Variants in KIF9 observed in about 807,000 individuals in gnomAD.
KIF9 encodes the protein kinesin-like protein KIF9.
KIF9 carries 68 observed loss-of-function variants against 94.8 expected under a neutral mutation model. The observed-to-expected ratio is 0.72, with a 90% CI of 0.59 to 0.88. KIF9 has a LOEUF of 0.88. KIF9 is among the 40% of genes least tolerant of loss of function. The pLI is 0.00. For missense variants in KIF9, 882 were observed against 982.5 expected, an observed-to-expected ratio of 0.90 and a Z score of 1.37; for synonymous variants, 343 against 362.1, an observed-to-expected ratio of 0.95 and a Z score of 0.60.
chr3:47,267,388 C>G, intron 5 of KIF9, 125 bp from the exon 6 acceptor site: 1 of 721,524 alleles, frequency 1.4e-6, no homozygotes, highest in East Asian at 2.5e-5. Flanking sequence ...GCTGGGCCTT[C>G]CAGGCAAACC....
intron 10 of KIF9, chr3:47,250,697 C>A: frequency 3.9e-6 from 1 of 256,726 alleles, no homozygotes; most frequent in Non-Finnish European, 8.6e-6. Flanking sequence ...TGAGTGTCTT[C>A]CCTAAAAGAG....
chr3:47,267,155 G>A (rs1701340678), intron 6 of KIF9, 25 bp downstream of exon 6: 1 of 1,605,590 alleles, frequency 6.2e-7, no homozygotes, highest in Admixed American at 1.7e-5. Flanking sequence ...GCCCCGCCTG[G>A]GCTGATCAAA....
At chr3:47,262,106 G>C (rs1374476315) in intron 9 of KIF9, among the ~76,000 whole-genome samples, 2 of 152,112 alleles carry the variant, frequency 1.3e-5, no homozygotes, top group Admixed American at 6.6e-5. Context: ...CAAGCCCCCG[G>C]AGACTGCGGG....
At chr3:47,253,451 G>A (rs941422077) in intron 10 of KIF9, among the ~76,000 whole-genome samples, 2 of 144,528 alleles carry the variant, frequency 1.4e-5, no homozygotes, top group African/African-American at 2.5e-5. Flanking sequence ...CCACGCACCC[G>A]GCCCAGTGAT....
chr3:47,268,209 C>A (rs142286874), intron 5 of KIF9, among the ~76,000 whole-genome samples: 35 of 152,210 alleles, frequency 2.3e-4, no homozygotes, highest in African/African-American at 7.7e-4. Context: ...AGGCCCTTAC[C>A]TCTAATTTAC....
intron 17 of KIF9, chr3:47,239,613 A>G (rs1229468713): frequency 9.5e-7 from 1 of 1,049,850 alleles, no homozygotes; most frequent in Non-Finnish European, 1.2e-6. Context: ...TTTCCAAGAC[A>G]GTCTTCATCT....
At chr3:47,237,692 G>C (rs1413912663) in intron 17 of KIF9, among the ~76,000 whole-genome samples, 1 of 152,364 alleles carries the variant, frequency 6.6e-6, no homozygotes, top group East Asian at 1.9e-4. Context: ...TGGGGTGCAT[G>C]AGGCAGCCCC....
chr3:47,251,486 C>T (rs1174861249), intron 10 of KIF9, among the ~76,000 whole-genome samples: 1 of 152,158 alleles, frequency 6.6e-6, no homozygotes, highest in East Asian at 1.9e-4. Context: ...ATGGCTTGAA[C>T]CCGGGAGGCA....
intron 8 of KIF9, 107 bp downstream of exon 8, chr3:47,265,623 G>A (rs1701241855): frequency 8.3e-7 from 1 of 1,209,940 alleles, no homozygotes; most frequent in South Asian, 1.4e-5. Flanking sequence ...GTGAATCCAT[G>A]CCACCAGGAG....
At chr3:47,236,854 C>A (rs1208793357) in intron 17 of KIF9, among the ~76,000 whole-genome samples, 2 of 152,192 alleles carry the variant, frequency 1.3e-5, no homozygotes, top group Non-Finnish European at 1.5e-5. Flanking sequence ...TTAGGGCAAA[C>A]AAGAGCAGAG....
rs1243168043 is a variant in KIF9, at chr3:47,273,614, T to C, written c.304A>G (p.Thr102Ala). Reference sequence around the variant, plus strand: ...TAATTCTCAGTTGCCCCCATCATGGTGTATGTCTTGCCAGCTCCCGTCTGC... The same window carrying C: ...TAATTCTCAGTTGCCCCCATCATGGCGTATGTCTTGCCAGCTCCCGTCTGC... ...YGQTGAGKTY[T>A]MMGATENYKH... The change falls in exon 4 of 21, where the codon ACC (threonine) becomes GCC (alanine). Residue 102 changes from threonine to alanine, a missense_variant. Thr to Ala is a moderately conservative substitution (Grantham distance 58). Coordinates refer to ENST00000684063, the MANE Select transcript of KIF9 (RefSeq NM_182902.4). 6.2e-7 allele frequency: 1 copy of C among 1,614,084 alleles called. No individual in the cohort carries two copies. Among genetic ancestry groups the C allele is most frequent in the South Asian group, 1.1e-5 (1 of 91,074 alleles).
intron 3 of KIF9, 130 bp downstream of exon 3, chr3:47,275,195 A>G (rs2107509899): frequency 1.4e-6 from 1 of 725,578 alleles, no homozygotes; most frequent in African/African-American, 1.8e-5. Context: ...AAGTTTTGCA[A>G]CGTAAGAACA....
chr3:47,277,300 T>C lies in KIF9; in HGVS notation c.75A>G (p.Arg25=), dbSNP rs1431602360. ...PTDDFAHEMI[R]YGDDKRSIDI... ...CACTTACTCTTTTGTCATCTCCGTA[T>C]CTGATCATTTCATGAGCAAAGTCAT... The change falls in exon 2 of 21, where the codon AGA becomes AGG. Residue 25 remains arginine (R), a synonymous_variant. Coordinates refer to ENST00000684063, the MANE Select transcript of KIF9 (RefSeq NM_182902.4). 6.2e-7 allele frequency: 1 copy of C among 1,613,964 alleles called. No homozygotes were observed. The highest frequency in any genetic ancestry group is 8.5e-7 in the Non-Finnish European group (1 of 1,179,882).
At chr3:47,272,014 G>C (rs1334273336) in intron 4 of KIF9, among the ~76,000 whole-genome samples, 1 of 152,120 alleles carries the variant, frequency 6.6e-6, no homozygotes, top group South Asian at 2.1e-4. Context: ...CAGCGACTCG[G>C]GAGGCTGAGG....
At chr3:47,238,526 T>C (rs1274521506) in intron 17 of KIF9, 1 of 151,810 alleles carries the variant, frequency 6.6e-6, no homozygotes, top group Non-Finnish European at 1.5e-5. Context: ...GCCTAGGAGA[T>C]ATGAGTTTAC....
chr3:47,274,839 A>C (rs2107507770), intron 3 of KIF9, among the ~76,000 whole-genome samples: 1 of 152,372 alleles, frequency 6.6e-6, no homozygotes, highest in East Asian at 1.9e-4. Flanking sequence ...TATAAAACCT[A>C]AACTTGCAAA....
rs1157447825 is a variant in KIF9 at position 47,282,483 on chromosome 3, GCCCCTGCTC to G, written c.-6+3_-6+11del. 3.2e-5 allele frequency: 32 copies of G among 991,228 alleles called. No homozygotes were observed. The African/African-American group carries it at 5.6e-4, about 17-fold the overall frequency. The allele number at this position is 991,228 out of a possible 1,614,324, so 61.4% of individuals were successfully genotyped here. A position where few individuals can be genotyped will look rare whatever the true frequency, so the allele number is the denominator to read the frequency against. On this transcript the variant is annotated splice_donor_5th_base_variant and intron_variant, in intron 1 of 20. Coordinates refer to ENST00000684063, the MANE Select transcript of KIF9 (RefSeq NM_182902.4). ...GTCTCCCCACTCCCACCGGCGAGCAGCCCCTGCTCACCGTTCACCAGGCAGCGACGCTCC... is the reference window on the plus strand; with the variant it reads ...GTCTCCCCACTCCCACCGGCGAGCAGACCGTTCACCAGGCAGCGACGCTCC...
chr3:47,259,259 G>T (rs555433186), intron 9 of KIF9, among the ~76,000 whole-genome samples: 1 of 152,314 alleles, frequency 6.6e-6, no homozygotes, highest in Admixed American at 6.5e-5. Context: ...AGTCTCCACA[G>T]GTTTGGGCTG....
Position 47,265,901 on chromosome 3 carries a change from C to T in KIF9, c.769-24G>A, listed in dbSNP as rs756878259. Reference sequence around the variant, plus strand: ...GACTACAAAGCAAAGGTCAGTTCCACTTTGGATGGAATAAAGCAGCTGCCC... The same window carrying T: ...GACTACAAAGCAAAGGTCAGTTCCATTTTGGATGGAATAAAGCAGCTGCCC... On this transcript the variant is annotated intron_variant, in intron 7 of 20. Coordinates refer to ENST00000684063, the MANE Select transcript of KIF9 (RefSeq NM_182902.4). 2.4e-5 allele frequency: 38 copies of T among 1,613,706 alleles called. No homozygotes were observed. The African/African-American group carries it at 4.8e-4, about 20-fold the overall frequency.
Sources: gnomAD v4.1 joint callset for allele counts (sites outside exome capture counted in the v4.1 genomes callset) on GRCh38, gnomAD v4.1.1 for gene constraint, MANE v1.5 for transcripts, NCBI Gene and HGNC (gene_info 2026-07-23, HGNC 2026-07-21) for gene names.